The following VAV2 variants were observed in gnomAD, a reference collection of about 807,000 sequenced individuals.
VAV2 encodes vav guanine nucleotide exchange factor 2, also known as guanine nucleotide exchange factor VAV2.
In VAV2, 67 loss-of-function variants were observed where a neutral mutation model predicts 132.5. That is an observed-to-expected ratio of 0.51 (90% CI 0.42 to 0.62). The LOEUF is 0.62. VAV2 is among the 20% of genes least tolerant of loss of function. The probability of loss-of-function intolerance (pLI) is 0.00; values close to 1 mark genes in which losing one functional copy is unlikely to be tolerated. For missense variants in VAV2, 938 were observed against 1,153.6 expected (o/e 0.81, Z 2.71); for synonymous variants, 492 against 443.5 (o/e 1.11, Z -1.37).
rs1564365196 is a variant in VAV2, at chr9:133,806,124, C to T, written c.793G>A (p.Gly265Arg). The change falls in exon 9 of 30, where the codon GGG (glycine) becomes AGG (arginine). Residue 265 changes from glycine (G) to arginine (R), a missense_variant. By Grantham distance (125) the Gly-to-Arg change is moderately radical. Coordinates refer to ENST00000371850, the MANE Select transcript of VAV2 (RefSeq NM_001134398.2). The stretch of plus-strand genomic sequence containing the variant: ...AAGACCTTGGCCAGCGTGCTGCCCC[C>T]CACCATCACGGACACGTCGATGGCC... The part of the protein sequence containing the change: ...LRAIDVSVMV[G>R]GSTLAKVFLD... 1.2e-6 allele frequency: 2 copies of T among 1,613,070 alleles called. No homozygotes were observed. The highest frequency in any genetic ancestry group is 1.7e-5 in the Admixed American group (1 of 60,012).
At chr9:133,896,274 T>A (rs1233434961) in intron 2 of VAV2, among the ~76,000 whole-genome samples, 1 of 152,042 alleles carries the variant, frequency 6.6e-6, no homozygotes, top group African/African-American at 2.4e-5. Context: ...GCCAACACAA[T>A]GAAACCCCGC....
intron 1 of VAV2, among the ~76,000 whole-genome samples, chr9:133,957,955 G>A (rs1588171009): frequency 6.7e-6 from 1 of 149,388 alleles, no homozygotes; most frequent in Non-Finnish European, 1.5e-5. Context: ...AGGGTTAAAT[G>A]GATTAAGGGC....
intron 1 of VAV2, among the ~76,000 whole-genome samples, chr9:133,987,055 T>C (rs1230717326): frequency 6.6e-6 from 1 of 151,510 alleles, no homozygotes; most frequent in Non-Finnish European, 1.5e-5. Flanking sequence ...ATTTATTATT[T>C]CTCGAATGAA....
intron 18 of VAV2, 39 bp downstream of exon 18, chr9:133,784,278 T>C (rs1182417425): frequency 1.3e-6 from 2 of 1,596,066 alleles, no homozygotes; most frequent in Non-Finnish European, 1.7e-6. Flanking sequence ...GGGCTGGGCG[T>C]GGAGCGAGGT....
intron 29 of VAV2, among the ~76,000 whole-genome samples, chr9:133,766,759 A>AATATATGTATAT (rs1554767606): frequency 8.9e-6 from 1 of 112,110 alleles, no homozygotes; most frequent in African/African-American, 3.6e-5. Flanking sequence ...AGTATAAATA[A>AATATATGTATAT]ATATATATAT....
At chr9:133,946,539 T>C (rs1281910485) in intron 1 of VAV2, among the ~76,000 whole-genome samples, 2 of 152,218 alleles carry the variant, frequency 1.3e-5, no homozygotes, top group East Asian at 1.9e-4. Flanking sequence ...TAGATAGACA[T>C]AGTGCGTTTT....
intron 2 of VAV2, among the ~76,000 whole-genome samples, chr9:133,901,506 C>G (rs1361848423): frequency 1.3e-5 from 2 of 152,250 alleles, no homozygotes; most frequent in Non-Finnish European, 1.5e-5. Flanking sequence ...CCACCTCGAG[C>G]CTGGTCTCAT....
intron 1 of VAV2, among the ~76,000 whole-genome samples, chr9:133,979,783 G>A (rs564655341): frequency 3.9e-5 from 6 of 152,342 alleles, no homozygotes; most frequent in East Asian, 1.9e-4. Flanking sequence ...AACGGCATTC[G>A]GGGAGCACAG....
Position 133,879,694 on chromosome 9 carries a change from G to A in VAV2, c.322-18262C>T, listed in dbSNP as rs116241046. Among the ~76,000 whole-genome samples the A allele has an allele frequency of 7.9e-3, 1,200 of 152,238 alleles. 15 individuals carry two copies. The highest frequency in any genetic ancestry group is 0.026 in the African/African-American group (1,075 of 41,542). On this transcript the variant is annotated intron_variant, in intron 2 of 29. Transcript: ENST00000371850. The surrounding 1 kb of genome is among the most constrained non-coding windows in gnomAD (Gnocchi z 4.4). ...GGCTCAGATGAACCACCAAGAACCT[G>A]CTCTCCCTTCCAAAGCAGAACCTAT...
chr9:133,867,281 T>C (rs879772532), intron 2 of VAV2, among the ~76,000 whole-genome samples: 1 of 152,202 alleles, frequency 6.6e-6, no homozygotes, highest in Non-Finnish European at 1.5e-5. Context: ...AGGAAGCCCA[T>C]CTCGCCAGGT....
intron 2 of VAV2, among the ~76,000 whole-genome samples, chr9:133,913,074 C>T (rs1217801535): frequency 1.3e-5 from 2 of 152,218 alleles, no homozygotes; most frequent in African/African-American, 2.4e-5. Context: ...CCAAGACAAA[C>T]GTCAGCTTTG....
intron 1 of VAV2, among the ~76,000 whole-genome samples, chr9:133,986,089 ATC>A (rs1052975976): frequency 6.6e-6 from 1 of 152,210 alleles, no homozygotes; most frequent in African/African-American, 2.4e-5. Context: ...GACTCAAAGT[ATC>A]TTCTTTAAGT....
chr9:133,763,988 G>A lies in VAV2; in HGVS notation c.*74C>T, dbSNP rs574379828. The A allele has an allele frequency of 2.1e-4, 326 of 1,565,160 alleles. 3 individuals carry two copies. The highest frequency in any genetic ancestry group is 1.9e-3 in the South Asian group (170 of 89,896). ...TGGTATTTCCCCTCTGAGTCACAGA[G>A]GAGCTAGAGACAGACTTCAGGGCTG... is the stretch of plus-strand genomic sequence containing the variant. On this transcript the variant is annotated 3_prime_UTR_variant, in exon 30 of 30. Coordinates refer to ENST00000371850, the MANE Select transcript of VAV2 (RefSeq NM_001134398.2). This position sits in a 1 kb window ranked among gnomAD's most constrained non-coding sequence, Gnocchi z 6.8.
At chr9:133,830,036 T>C (rs942524929) in intron 4 of VAV2, among the ~76,000 whole-genome samples, 2 of 152,190 alleles carry the variant, frequency 1.3e-5, no homozygotes, top group Non-Finnish European at 2.9e-5. Flanking sequence ...ATCGTGTGAA[T>C]GAATGAAAGC....
rs12000640 is a variant in VAV2, at chr9:133,875,984, C to T, written c.322-14552G>A. On this transcript the variant is annotated intron_variant, in intron 2 of 29. Coordinates refer to ENST00000371850, the MANE Select transcript of VAV2 (RefSeq NM_001134398.2). Reference sequence around the variant, plus strand: ...AAGGCCTTATTCACTCACTGCCCAGCGGGCACAGCCATCATCTCCTGCCCT... The same window carrying T: ...AAGGCCTTATTCACTCACTGCCCAGTGGGCACAGCCATCATCTCCTGCCCT... Among the ~76,000 whole-genome samples, 353 of 152,348 alleles carry T rather than the reference C, an allele frequency of 2.3e-3. 1 individual carries two copies. Among genetic ancestry groups the T allele is most frequent in the African/African-American group, 8.0e-3 (334 of 41,594 alleles).
intron 1 of VAV2, among the ~76,000 whole-genome samples, chr9:133,962,632 A>G (rs1278321076): frequency 6.6e-6 from 1 of 151,978 alleles, no homozygotes; most frequent in Non-Finnish European, 1.5e-5. Context: ...CCCACCCCCC[A>G]CAAAGCTCCC....
Position 133,780,745 on chromosome 9 carries a change from G to A in VAV2, c.1724-35C>T, listed in dbSNP as rs201149070. The A allele has an allele frequency of 3.8e-4, 483 of 1,263,182 alleles. 1 individual carries two copies. In the Middle Eastern group the frequency reaches 4.5e-3, roughly 12 times the overall value. 78.2% of individuals were successfully genotyped at this position (1,263,182 alleles called of 1,614,324 possible). A position where few individuals can be genotyped will look rare whatever the true frequency, so the allele number is the denominator to read the frequency against. ...AAGCAGGTCAGGTGTTAGAGGGGAG[G>A]CCACCGACGCCAAGGCCCCGTGCAG... On this transcript the variant is annotated intron_variant, in intron 19 of 29. Transcript: ENST00000371850.
chr9:133,940,099 A>T (rs1202918611), intron 1 of VAV2, among the ~76,000 whole-genome samples: 1 of 152,190 alleles, frequency 6.6e-6, no homozygotes, highest in East Asian at 1.9e-4. Context: ...CTCGGGCCCC[A>T]GGTTGGAATC....
At chr9:133,882,354 G>A (rs907842962) in intron 2 of VAV2, among the ~76,000 whole-genome samples, 2 of 152,238 alleles carry the variant, frequency 1.3e-5, no homozygotes, top group Non-Finnish European at 2.9e-5. Flanking sequence ...ACATGCTGCC[G>A]TCACAGCCAG....
Sources: gnomAD v4.1 joint callset for allele counts (sites outside exome capture counted in the v4.1 genomes callset) on GRCh38, gnomAD v4.1.1 for gene constraint, Gnocchi (gnomAD v3.1) non-coding constraint, MANE v1.5 for transcripts, NCBI Gene and HGNC (gene_info 2026-07-23, HGNC 2026-07-21) for gene names.